The following MTO1 variants were observed in gnomAD, a reference collection of about 807,000 sequenced individuals.
MTO1 encodes 5-taurinomethyluridine-[tRNA] synthase subunit MTO1, mitochondrial.
Under a neutral mutation model 71.6 loss-of-function variants are expected in MTO1, and 46 were observed. That is an observed-to-expected ratio of 0.64 (90% CI 0.51 to 0.82). MTO1 has a LOEUF of 0.82. MTO1 is among the 40% of genes least tolerant of loss of function. The probability of loss-of-function intolerance (pLI) is 0.00; values close to 1 mark genes in which losing one functional copy is unlikely to be tolerated. For synonymous variants in MTO1, 297 were observed against 312.1 expected (o/e 0.95, Z 0.51); for missense variants, 773 against 867.5 (o/e 0.89, Z 1.37).
intron 10 of MTO1, among the ~76,000 whole-genome samples, chr6:73,493,024 C>G (rs1375345058): frequency 9.8e-6 from 1 of 101,964 alleles, no homozygotes; most frequent in Non-Finnish European, 1.9e-5. Context: ...GGAGGAGTTT[C>G]CTTCTTCTTG....
rs1356511332 is a variant in MTO1, at chr6:73,501,836, G to A, written c.*1101G>A. 1 of 152,124 alleles carries A rather than the reference G, an allele frequency of 6.6e-6. No individual in the cohort carries two copies. Among genetic ancestry groups the A allele is most frequent in the African/African-American group, 2.4e-5 (1 of 41,406 alleles). 9.4% of individuals were successfully genotyped at this position (152,124 alleles called of 1,614,324 possible). A position where few individuals can be genotyped will look rare whatever the true frequency, so the allele number is the denominator to read the frequency against. On this transcript the variant is annotated 3_prime_UTR_variant, in exon 12 of 12. Coordinates refer to ENST00000498286, the MANE Select transcript of MTO1 (RefSeq NM_012123.4). ...GTTCTAAGGGCCCCAAAGTCACTTT[G>A]GCTACAGATGTGTATGTTAAGCCTG...
intron 3 of MTO1, among the ~76,000 whole-genome samples, chr6:73,468,867 C>T (rs1771070472): frequency 6.6e-6 from 1 of 152,170 alleles, no homozygotes; most frequent in Non-Finnish European, 1.5e-5. Flanking sequence ...CTCCACCTCC[C>T]AAAGTGCTGG....
chr6:73,488,599 T>C (rs909595661), intron 9 of MTO1, among the ~76,000 whole-genome samples: 1 of 152,088 alleles, frequency 6.6e-6, no homozygotes, highest in Admixed American at 6.6e-5. Context: ...TTGTATCCTT[T>C]GATGTACATT....
intron 4 of MTO1, among the ~76,000 whole-genome samples, chr6:73,476,218 A>T (rs753596614): frequency 6.6e-6 from 1 of 150,866 alleles, no homozygotes; most frequent in East Asian, 2.0e-4. Context: ...AAAAAAAAAT[A>T]AAAAAATTAG....
rs1325320592 is a variant in MTO1 at position 73,464,040 on chromosome 6, CTGT to C, written c.217+1974_217+1976del. ...ACAGGTGTGAGCCACCACACCTGGC[CTGT>C]TGTTTATATTTTTAAAAAATAAAGA... On this transcript the variant is annotated intron_variant, in intron 1 of 11. Coordinates refer to ENST00000498286, the MANE Select transcript of MTO1 (RefSeq NM_012123.4). 3 of 152,210 alleles carry C rather than the reference CTGT, an allele frequency of 2.0e-5. No individual in the cohort carries two copies. In the East Asian group the frequency reaches 5.8e-4, roughly 29 times the overall value. The allele number at this position is 152,210 out of a possible 1,614,324, so 9.4% of individuals were successfully genotyped here.
chr6:73,508,845 ATGATAATGGC>A lies in MTO1; in HGVS notation c.*8112_*8121del, dbSNP rs1232938335. ...AGTCCAAAGAGTCAATCAAGAAGGT[ATGATAATGGC>A]TAAAGATGGGGACTGTAGGTCAATG... On this transcript the variant is annotated 3_prime_UTR_variant, in exon 12 of 12. Coordinates refer to ENST00000498286, the MANE Select transcript of MTO1 (RefSeq NM_012123.4). The A allele has an allele frequency of 1.3e-5, 2 of 152,254 alleles. No individual in the cohort carries two copies. Among genetic ancestry groups the A allele is most frequent in the African/African-American group, 4.8e-5 (2 of 41,466 alleles). 9.4% of individuals were successfully genotyped at this position (152,254 alleles called of 1,614,324 possible). A position where few individuals can be genotyped will look rare whatever the true frequency, so the allele number is the denominator to read the frequency against.
rs1322658068 is a variant in MTO1 at position 73,482,478 on chromosome 6, C to T, written c.1495C>T (p.Gln499Ter). ...TAAAGACGCTGGCTGTGTGTCCCAA[C>T]AACGATATGAAAGAGCTTGTTGGAT... ...GYKDAGCVSQ[Q>*]RYERACWMKS... is the part of the protein sequence containing the mutation. Residue 499 changes from glutamine to a stop codon, truncating the protein, a stop_gained, in exon 9 of 12, where the codon CAA becomes TAA. Coordinates refer to ENST00000498286, the MANE Select transcript of MTO1 (RefSeq NM_012123.4). LOFTEE classifies it high-confidence loss of function. 1.9e-6 allele frequency: 3 copies of T among 1,613,198 alleles called. No homozygotes were observed. Among genetic ancestry groups the T allele is most frequent in the Admixed American group, 1.7e-5 (1 of 59,880 alleles).
chr6:73,505,910 C>A lies in MTO1; in HGVS notation c.*5175C>A, dbSNP rs1037739934. Reference sequence around the variant, plus strand: ...TGGAGATGGTTGATGGTGATGGTTGCACAACAATTTGAATATTTTAAATGC... The same window carrying A: ...TGGAGATGGTTGATGGTGATGGTTGAACAACAATTTGAATATTTTAAATGC... On this transcript the variant is annotated 3_prime_UTR_variant, in exon 12 of 12. Coordinates refer to ENST00000498286, the MANE Select transcript of MTO1 (RefSeq NM_012123.4). 6.6e-6 allele frequency: 1 copy of A among 152,118 alleles called. No homozygotes were observed. Among genetic ancestry groups the A allele is most frequent in the Non-Finnish European group, 1.5e-5 (1 of 68,034 alleles). The allele number at this position is 152,118 out of a possible 1,614,324, so 9.4% of individuals were successfully genotyped here. A position where few individuals can be genotyped will look rare whatever the true frequency, so the allele number is the denominator to read the frequency against.
chr6:73,481,806 A>T (rs1009249322), intron 7 of MTO1, among the ~76,000 whole-genome samples: 1 of 152,136 alleles, frequency 6.6e-6, no homozygotes, highest in Non-Finnish European at 1.5e-5. Flanking sequence ...AGTGCAGCTT[A>T]TCAGGAAGAT....
Position 73,501,421 on chromosome 6 carries a change from G to T in MTO1, c.*686G>T, listed in dbSNP as rs1050787099. 2.6e-5 allele frequency: 4 copies of T among 152,174 alleles called. No homozygotes were observed. Among genetic ancestry groups the T allele is most frequent in the African/African-American group, 9.6e-5 (4 of 41,456 alleles). The allele number at this position is 152,174 out of a possible 1,614,324, so 9.4% of individuals were successfully genotyped here. A position where few individuals can be genotyped will look rare whatever the true frequency, so the allele number is the denominator to read the frequency against. ...GTTATGGGAGAATTGAGTAACGTTA[G>T]TTATTTTATATCATACCATAAAAAT... On this transcript the variant is annotated 3_prime_UTR_variant, in exon 12 of 12. Transcript: ENST00000498286.
At chr6:73,471,798 T>C (rs1771167916) in intron 3 of MTO1, 1 of 164,710 alleles carries the variant, frequency 6.1e-6, no homozygotes, top group Admixed American at 6.3e-5. Context: ...TTTTTTGTGG[T>C]AAAATATACA....
chr6:73,497,145 C>T (rs981448105), intron 10 of MTO1, among the ~76,000 whole-genome samples: 6 of 119,032 alleles, frequency 5.0e-5, no homozygotes, highest in Admixed American at 9.0e-5. Context: ...GCACTGACAG[C>T]GGAAGCAAAT....
chr6:73,473,614 C>T lies in MTO1; in HGVS notation c.785C>T (p.Ser262Phe), dbSNP rs777732496. 2 of 1,613,906 alleles carry T rather than the reference C, an allele frequency of 1.2e-6. No homozygotes were observed. Among genetic ancestry groups the T allele is most frequent in the Non-Finnish European group, 1.7e-6 (2 of 1,179,904 alleles). The change falls in exon 4 of 12, where the codon TCC becomes TTC. Residue 262 changes from serine (S) to phenylalanine (F), a missense_variant. Ser to Phe is a radical substitution (Grantham distance 155). Coordinates refer to ENST00000498286, the MANE Select transcript of MTO1 (RefSeq NM_012123.4). ...ILNKHIPDNP[S>F]IPFSFTNETV... ...AACAAGCATATACCGGACAATCCAT[C>T]CATACCATTCAGCTTTACCAATGAG...
At position 73,461,968 on chromosome 6, in the gene MTO1, C is replaced by G. The variant is rs1382006065; in HGVS notation, c.114C>G (p.Asp38Glu). The G allele has an allele frequency of 6.2e-7, 1 of 1,614,124 alleles. No homozygotes were observed. The highest frequency in any genetic ancestry group is 8.5e-7 in the Non-Finnish European group (1 of 1,180,052). ...CGGCGCCCCGGACTCCGCACTTCGA[C>G]GTGATAGTCATTGGTGGAGGACATG... ...DSAAPRTPHF[D>E]VIVIGGGHAG... Residue 38 changes from aspartate (D) to glutamate (E), a missense_variant, in exon 1 of 12, where the codon GAC becomes GAG. Coordinates refer to ENST00000498286, the MANE Select transcript of MTO1 (RefSeq NM_012123.4).
Position 73,506,626 on chromosome 6 carries a change from G to A in MTO1, c.*5891G>A, listed in dbSNP as rs550680671. 1 of 145,416 alleles carries A rather than the reference G, an allele frequency of 6.9e-6. No individual in the cohort carries two copies. Among genetic ancestry groups the A allele is most frequent in the East Asian group, 2.1e-4 (1 of 4,742 alleles). The allele number at this position is 145,416 out of a possible 1,614,324, so 9.0% of individuals were successfully genotyped here. On this transcript the variant is annotated 3_prime_UTR_variant, in exon 12 of 12. Coordinates refer to ENST00000498286, the MANE Select transcript of MTO1 (RefSeq NM_012123.4). ...AATTGGACTTAAAGTTCCAATTAAA[G>A]TTTCAGGTATGTCTTTATCAGCAGC...
chr6:73,464,256 A>C (rs1770913491), intron 1 of MTO1: 1 of 152,126 alleles, frequency 6.6e-6, no homozygotes, highest in African/African-American at 2.4e-5. Flanking sequence ...GGAGCCCAGG[A>C]GTCTTCTATT....
At chr6:73,480,925 T>C (rs574581500) in intron 7 of MTO1, 120 bp downstream of exon 7, 73 of 1,085,314 alleles carry the variant, frequency 6.7e-5, no homozygotes, top group Admixed American at 2.6e-4. Context: ...TAGAAGACAA[T>C]TTATGTTTCA....
At chr6:73,495,994 G>A (rs552417751) in intron 10 of MTO1, among the ~76,000 whole-genome samples, 1 of 152,340 alleles carries the variant, frequency 6.6e-6, no homozygotes, top group South Asian at 2.1e-4. Context: ...AGCTGGGACT[G>A]GAACCTACCT....
At chr6:73,475,043 C>T (rs1426347520) in intron 4 of MTO1, among the ~76,000 whole-genome samples, 2 of 152,162 alleles carry the variant, frequency 1.3e-5, no homozygotes, top group Non-Finnish European at 2.9e-5. Context: ...GCGTGAGCCA[C>T]CGTGCCTGGC....
Sources: allele counts gnomAD v4.1 joint callset (sites outside exome capture counted in the v4.1 genomes callset), GRCh38; gene constraint gnomAD v4.1.1; transcripts MANE v1.5; gene names NCBI Gene and HGNC (gene_info 2026-07-23, HGNC 2026-07-21).